Variants in GPC5 observed in about 807,000 individuals in gnomAD.
GPC5 encodes glypican-5.
GPC5 carries 47 observed loss-of-function variants against 53.9 expected under a neutral mutation model. The ratio of observed to expected loss-of-function variants is 0.87; its 90% CI spans 0.69 to 1.11. GPC5 has a LOEUF of 1.11. Among genes scored for constraint, GPC5 ranks in the 50% most tolerant of loss-of-function variants. The pLI is 0.00. For synonymous variants in GPC5, 286 were observed against 263.3 expected (o/e 1.09, Z -0.84); for missense variants, 748 against 713.1 (o/e 1.05, Z -0.56).
intron 7 of GPC5, among the ~76,000 whole-genome samples, chr13:92,215,225 C>T (rs941249443): frequency 3.3e-5 from 5 of 152,140 alleles, no homozygotes; most frequent in Non-Finnish European, 7.4e-5. Context: ...TATGAAGGAG[C>T]TTTGTAACTT....
In GPC5 at chr13:91,636,944, A is replaced by T. The variant is rs533540890; in HGVS notation, c.326-56243A>T. On this transcript the variant is annotated intron_variant, in intron 2 of 7. Coordinates refer to ENST00000377067, the MANE Select transcript of GPC5 (RefSeq NM_004466.6). ...CCCTATACTCCAGTGGCAGAGGGAG[A>T]TCTTGTCTCTAAAACAAACAAACGA... is the stretch of plus-strand genomic sequence containing the variant. Among the ~76,000 whole-genome samples, 289 of 152,270 alleles carry T rather than the reference A, an allele frequency of 1.9e-3. 5 individuals are homozygous for T. Among genetic ancestry groups the T allele is most frequent in the Middle Eastern group, 0.014 (4 of 294 alleles).
chr13:92,613,673 A>G (rs1294484052), intron 7 of GPC5, among the ~76,000 whole-genome samples: 1 of 136,382 alleles, frequency 7.3e-6, no homozygotes, highest in Non-Finnish European at 1.5e-5. Flanking sequence ...ATTTTATTAT[A>G]TATATTTTAT....
intron 7 of GPC5, among the ~76,000 whole-genome samples, chr13:92,714,480 C>A (rs908736709): frequency 5.3e-5 from 8 of 152,032 alleles, no homozygotes; most frequent in African/African-American, 1.4e-4. Context: ...AAGAACATTG[C>A]CATCAACAAC....
chr13:92,495,024 A>G (rs1412147211), intron 7 of GPC5, among the ~76,000 whole-genome samples: 24 of 152,186 alleles, frequency 1.6e-4, no homozygotes, highest in Admixed American at 1.6e-3. Flanking sequence ...ATTTTGCTTA[A>G]GAGTCCACTT....
intron 7 of GPC5, among the ~76,000 whole-genome samples, chr13:92,392,335 A>G (rs1369087258): frequency 6.6e-6 from 1 of 152,138 alleles, no homozygotes; most frequent in Non-Finnish European, 1.5e-5. Flanking sequence ...GTGTTGGGAG[A>G]ACTGGCTAGC....
intron 5 of GPC5, among the ~76,000 whole-genome samples, chr13:91,783,839 G>A (rs1393424907): frequency 2.0e-5 from 3 of 152,156 alleles, no homozygotes; most frequent in African/African-American, 7.2e-5. Flanking sequence ...TAATTAGCAT[G>A]TCTCTATATC....
chr13:91,408,866 T>G (rs764829541), intron 1 of GPC5, among the ~76,000 whole-genome samples: 3 of 152,184 alleles, frequency 2.0e-5, no homozygotes, highest in Non-Finnish European at 4.4e-5. Context: ...GTTAGTCTTT[T>G]GCTTTTCCTT....
intron 7 of GPC5, among the ~76,000 whole-genome samples, chr13:92,693,509 GAA>G (rs1887473241): frequency 6.6e-6 from 1 of 152,138 alleles, no homozygotes; most frequent in South Asian, 2.1e-4. Context: ...CTATGCTTTA[GAA>G]AAGAGACTGG....
At chr13:91,633,664 A>C (rs1252637830) in intron 2 of GPC5, among the ~76,000 whole-genome samples, 1 of 152,132 alleles carries the variant, frequency 6.6e-6, no homozygotes, top group Non-Finnish European at 1.5e-5. Flanking sequence ...AAGAAACTGA[A>C]GAACTTTAAC....
rs1343329645 is a variant in GPC5 at position 92,527,235 on chromosome 13, AAGAAAGAAAGAAAGAGAAAGAAAG to A, written c.1562-339045_1562-339022del. Among the ~76,000 whole-genome samples the A allele has an allele frequency of 3.1e-4, 14 of 45,166 alleles. 3 individuals are homozygous for A. The highest frequency in any genetic ancestry group is 1.6e-3 in the African/African-American group (14 of 8,854). 29.6% of individuals were successfully genotyped at this position (45,166 alleles called of 152,430 possible). A position where few individuals can be genotyped will look rare whatever the true frequency, so the allele number is the denominator to read the frequency against. On this transcript the variant is annotated intron_variant, in intron 7 of 7. Coordinates refer to ENST00000377067, the MANE Select transcript of GPC5 (RefSeq NM_004466.6). ...AAAGAAAGAAAGAAAGAAAGAAAGA[AAGAAAGAAAGAAAGAGAAAGAAAG>A]AAAGAAAGAAAGAAAGAAAGAAAAA...
At chr13:92,577,714 C>T (rs1883234832) in intron 7 of GPC5, among the ~76,000 whole-genome samples, 4 of 152,028 alleles carry the variant, frequency 2.6e-5, no homozygotes, top group Admixed American at 6.6e-5. Flanking sequence ...TCCTGCAAGT[C>T]ACAAAGTACA....
chr13:91,466,743 G>A (rs1481108376), intron 2 of GPC5, among the ~76,000 whole-genome samples: 1 of 152,034 alleles, frequency 6.6e-6, no homozygotes, highest in Admixed American at 6.6e-5. Context: ...GGGAGAGGGA[G>A]GAACCTAGGA....
chr13:92,839,174 T>C (rs1878332904), intron 7 of GPC5, among the ~76,000 whole-genome samples: 1 of 152,246 alleles, frequency 6.6e-6, no homozygotes, highest in African/African-American at 2.4e-5. Flanking sequence ...GAAATTAATA[T>C]TACAATGTTC....
At chr13:92,661,126 C>A (rs2139185642) in intron 7 of GPC5, among the ~76,000 whole-genome samples, 1 of 151,788 alleles carries the variant, frequency 6.6e-6, no homozygotes, top group East Asian at 1.9e-4. Flanking sequence ...AAAGTGAAAC[C>A]CCATCTTTAA....
rs150190717 is a variant in GPC5, at chr13:92,539,401, C to T, written c.1562-326881C>T. The stretch of plus-strand genomic sequence containing the variant: ...ATGATATCTGATGGTGGTTTTGATT[C>T]GCATTTCTCTGATGACCAGTGATGA... On this transcript the variant is annotated intron_variant, in intron 7 of 7. Coordinates refer to ENST00000377067, the MANE Select transcript of GPC5 (RefSeq NM_004466.6). Among the ~76,000 whole-genome samples, 285 of 151,940 alleles carry T rather than the reference C, an allele frequency of 1.9e-3. 2 individuals carry two copies. Among genetic ancestry groups the T allele is most frequent in the African/African-American group, 5.6e-3 (231 of 41,462 alleles).
At chr13:92,387,518 G>A (rs1047395477) in intron 7 of GPC5, among the ~76,000 whole-genome samples, 1 of 152,040 alleles carries the variant, frequency 6.6e-6, no homozygotes, top group Non-Finnish European at 1.5e-5. Flanking sequence ...CAGCCTCACA[G>A]AGTAGTTGCT....
chr13:92,496,818 A>G (rs1879997864), intron 7 of GPC5, among the ~76,000 whole-genome samples: 1 of 152,168 alleles, frequency 6.6e-6, no homozygotes. Context: ...AGCATGGTCA[A>G]TCTGATATCC....
At chr13:91,982,483 G>GA (rs530802836) in intron 6 of GPC5, among the ~76,000 whole-genome samples, 77 of 143,746 alleles carry the variant, frequency 5.4e-4, no homozygotes, top group East Asian at 1.4e-3. Flanking sequence ...GTTGTTGAGT[G>GA]AAAAAAAAAA....
intron 7 of GPC5, among the ~76,000 whole-genome samples, chr13:92,651,733 A>G (rs183543401): frequency 6.6e-6 from 1 of 152,274 alleles, no homozygotes; most frequent in Non-Finnish European, 1.5e-5. Context: ...AATAGGAGAA[A>G]TTTGATGTGG....
Sources: gnomAD v4.1 joint callset for allele counts (sites outside exome capture counted in the v4.1 genomes callset) on GRCh38, gnomAD v4.1.1 for gene constraint, MANE v1.5 for transcripts, NCBI Gene and HGNC (gene_info 2026-07-23, HGNC 2026-07-21) for gene names.